Variants in ZNF83 observed in about 807,000 individuals in gnomAD.
ZNF83 encodes zinc finger protein 83, also known as zinc finger protein 816B.
For synonymous variants in ZNF83, 209 were observed against 213.0 expected, an observed-to-expected ratio of 0.98 and a Z score of 0.17; for missense variants, 552 against 629.9, an observed-to-expected ratio of 0.88 and a Z score of 1.32.
rs985857340 is a variant in ZNF83 at position 52,630,771 on chromosome 19, A to G, written c.-234+4295T>C. 2.6e-5 allele frequency among the ~76,000 whole-genome samples: 4 copies of G among 151,970 alleles called. No individual in the cohort carries two copies. The South Asian group carries it at 6.2e-4, about 24-fold the overall frequency. On this transcript the variant is annotated intron_variant, in intron 2 of 2. Coordinates refer to ENST00000301096, the Ensembl canonical transcript of ZNF83. ...CCACTCAACGCCAGTATCCCATCCC[A>G]CAGCACGCTTTAAAAATATTAAAGC...
At chr19:52,684,181 C>T (rs1204138436) in intron 1 of ZNF83, among the ~76,000 whole-genome samples, 4 of 151,930 alleles carry the variant, frequency 2.6e-5, no homozygotes, top group Non-Finnish European at 5.9e-5. Flanking sequence ...CCAGCCTGGC[C>T]AACATCGTGA....
At chr19:52,683,646 G>GACT (rs2061965672) in intron 1 of ZNF83, among the ~76,000 whole-genome samples, 1 of 152,194 alleles carries the variant, frequency 6.6e-6, no homozygotes, top group African/African-American at 2.4e-5. Context: ...GATGCCTCAG[G>GACT]ACTGGCTGAA....
At chr19:52,636,466 CA>C (rs2147197446) in intron 1 of ZNF83, 1 of 152,222 alleles carries the variant, frequency 6.6e-6, no homozygotes, top group East Asian at 1.9e-4. Context: ...ATAGGGATTC[CA>C]AGTGGAAGCT....
chr19:52,680,841 T>A (rs1184759382), intron 1 of ZNF83, among the ~76,000 whole-genome samples: 1 of 150,886 alleles, frequency 6.6e-6, no homozygotes, highest in Non-Finnish European at 1.5e-5. Context: ...CTCGATCTCC[T>A]GACCTCGTGA....
intron 1 of ZNF83, among the ~76,000 whole-genome samples, chr19:52,688,559 T>TC (rs2062086986): frequency 1.3e-5 from 2 of 151,862 alleles, no homozygotes; most frequent in South Asian, 2.1e-4. Flanking sequence ...TGTTTTATTT[T>TC]CCCCCGGGGT....
At chr19:52,684,116 C>A (rs2061973731) in intron 1 of ZNF83, among the ~76,000 whole-genome samples, 1 of 152,070 alleles carries the variant, frequency 6.6e-6, no homozygotes, top group Non-Finnish European at 1.5e-5. Flanking sequence ...TGCCTGTAAT[C>A]CTAGCACTCT....
At chr19:52,634,518 C>A (rs1315909976) in intron 2 of ZNF83, among the ~76,000 whole-genome samples, 2 of 152,102 alleles carry the variant, frequency 1.3e-5, no homozygotes, top group African/African-American at 2.4e-5. Context: ...GAATAAAACA[C>A]CTTGTATCAT....
intron 2 of ZNF83, among the ~76,000 whole-genome samples, chr19:52,630,444 T>G (rs1274286630): frequency 6.6e-6 from 1 of 152,152 alleles, no homozygotes; most frequent in Non-Finnish European, 1.5e-5. Flanking sequence ...CTAAGCCTCT[T>G]AAAACTCCCC....
chr19:52,628,148 T>C (rs971793398), intron 2 of ZNF83, among the ~76,000 whole-genome samples: 7 of 152,162 alleles, frequency 4.6e-5, no homozygotes, highest in African/African-American at 1.7e-4. Context: ...GTTTTATTGC[T>C]CACACAAAGC....
intron 3 of ZNF83, among the ~76,000 whole-genome samples, chr19:52,644,171 CCA>C: frequency 7.6e-6 from 1 of 132,136 alleles, no homozygotes; most frequent in African/African-American, 3.0e-5. Flanking sequence ...TCTGTTTCTT[CCA>C]TTCTTCTTTT....
intron 3 of ZNF83, among the ~76,000 whole-genome samples, chr19:52,647,931 A>G (rs2061394196): frequency 6.7e-6 from 1 of 150,304 alleles, no homozygotes; most frequent in African/African-American, 2.5e-5. Flanking sequence ...CTGGCACCCT[A>G]GATTCCCAGC....
At chr19:52,630,635 C>T (rs543696556) in intron 2 of ZNF83, among the ~76,000 whole-genome samples, 398 of 152,182 alleles carry the variant, frequency 2.6e-3, no homozygotes, top group Non-Finnish European at 4.5e-3. Context: ...CCTTCGCATC[C>T]TCCTCTCGTA....
At chr19:52,637,862 G>C (rs410854) in intron 1 of ZNF83, among the ~76,000 whole-genome samples, 1 of 151,898 alleles carries the variant, frequency 6.6e-6, no homozygotes, top group African/African-American at 2.4e-5. Context: ...AGGGAGGTGG[G>C]GGGGAGACGG....
intron 2 of ZNF83, among the ~76,000 whole-genome samples, chr19:52,621,477 G>T (rs912500551): frequency 4.0e-5 from 6 of 151,830 alleles, no homozygotes; most frequent in African/African-American, 7.3e-5. Context: ...AGGGATGCCT[G>T]TCTGATTATT....
intron 1 of ZNF83, among the ~76,000 whole-genome samples, chr19:52,680,355 G>A (rs942515324): frequency 1.3e-5 from 2 of 152,052 alleles, no homozygotes; most frequent in African/African-American, 2.4e-5. Flanking sequence ...AGCCCTCTGC[G>A]CAGGGTTCAG....
In ZNF83 at chr19:52,613,167, A is replaced by G. The variant is rs573051555; in HGVS notation, c.1398T>C (p.Phe466=). ...GATTAGTGAGGCTTGAACGCATACT[A>G]AAAGCTTTGCCACATTCATTACATT... is the stretch of plus-strand genomic sequence containing the variant. The change falls in exon 3 of 3, where the codon TTT becomes TTC. Residue 466 remains phenylalanine (F), a synonymous_variant. Transcript: ENST00000301096. 21 of 1,613,728 alleles carry G rather than the reference A, an allele frequency of 1.3e-5. No homozygotes were observed. In the South Asian group the frequency reaches 2.3e-4, roughly 18 times the overall value.
At chr19:52,659,758 A>G (rs567122313) in intron 2 of ZNF83, among the ~76,000 whole-genome samples, 2 of 152,372 alleles carry the variant, frequency 1.3e-5, no homozygotes, top group South Asian at 4.1e-4. Flanking sequence ...AATATCCAAC[A>G]TGGATAAATC....
chr19:52,629,000 CT>C (rs2060850476), intron 2 of ZNF83, among the ~76,000 whole-genome samples: 1 of 151,950 alleles, frequency 6.6e-6, no homozygotes, highest in South Asian at 2.1e-4. Context: ...TCTCTACTCT[CT>C]TTTCTCTGGG....
rs542000040 is a variant in ZNF83 at position 52,645,052 on chromosome 19, G to A, written c.-73-9899C>T. Among the ~76,000 whole-genome samples the A allele has an allele frequency of 7.3e-5, 11 of 149,922 alleles. 1 individual carries two copies. In the South Asian group the frequency reaches 1.7e-3, roughly 23 times the overall value. ...AAAAAGGGGGTGCTTTTGGCACAGC[G>A]TTCCGTGCCAATCCAACCCATCTTT... On this transcript the variant is annotated intron_variant, in intron 3 of 5. Transcript: ENST00000594682.
Sources: gnomAD v4.1 joint callset for allele counts (sites outside exome capture counted in the v4.1 genomes callset) on GRCh38, gnomAD v4.1.1 for gene constraint, MANE v1.5 for transcripts, NCBI Gene and HGNC (gene_info 2026-07-23, HGNC 2026-07-21) for gene names.